Variants in HPCAL1 observed in about 807,000 individuals in gnomAD.
HPCAL1 encodes hippocalcin-like protein 1.
Under a neutral mutation model 17.1 loss-of-function variants are expected in HPCAL1, and 8 were observed. That is an observed-to-expected ratio of 0.47 (90% confidence interval 0.27 to 0.84). The LOEUF (loss-of-function observed/expected upper bound fraction) is 0.84, where lower values mean the gene tolerates loss of function less well. HPCAL1 is among the 40% of genes least tolerant of loss of function. HPCAL1 has a pLI of 0.13. For synonymous variants in HPCAL1, 112 were observed against 111.4 expected (o/e 1.01, Z -0.03); for missense variants, 165 against 271.1 (o/e 0.61, Z 2.75).
chr2:10,378,931 G>C (rs975529846), intron 1 of HPCAL1, among the ~76,000 whole-genome samples: 1 of 152,188 alleles, frequency 6.6e-6, no homozygotes, highest in Admixed American at 6.5e-5. Context: ...CATTTACAGC[G>C]AGGCGGACAG....
intron 1 of HPCAL1, among the ~76,000 whole-genome samples, chr2:10,355,450 CAAAAAAAAAAA>C (rs34600690): frequency 4.3e-4 from 14 of 32,202 alleles, no homozygotes; most frequent in South Asian, 1.8e-3. Context: ...GACTCCGTCT[CAAAAAAAAAAA>C]AAAAAAAAAA....
intron 2 of HPCAL1, among the ~76,000 whole-genome samples, chr2:10,410,330 C>T (rs1341166091): frequency 6.6e-6 from 1 of 152,118 alleles, no homozygotes; most frequent in South Asian, 2.1e-4. Flanking sequence ...TGCCACTAAA[C>T]AGGCTTTAAT....
intron 1 of HPCAL1, among the ~76,000 whole-genome samples, chr2:10,361,266 G>C (rs1034433014): frequency 4.0e-5 from 6 of 151,080 alleles, no homozygotes; most frequent in Admixed American, 1.3e-4. Flanking sequence ...ATCCCAGAGA[G>C]AGAGAGAGAG....
rs1225662535 is a variant in HPCAL1 at position 10,304,681 on chromosome 2, C to T, written c.-111+1504C>T. Among the ~76,000 whole-genome samples the T allele has an allele frequency of 2.0e-5, 3 of 152,230 alleles. No homozygotes were observed. The highest frequency in any genetic ancestry group is 2.9e-5 in the Non-Finnish European group (2 of 68,036). ...CACTCTCTGGAGAGTTCTGGCGCCT[C>T]GGCGCTGGCTCGGACGCAGCAAGGC... On this transcript the variant is annotated intron_variant, in intron 1 of 4. Transcript: ENST00000307845. The surrounding 1 kb of genome is among the most constrained non-coding windows in gnomAD (Gnocchi z 4.1).
rs1668192621 is a variant in HPCAL1, at chr2:10,384,635, G to A, written c.-110-12200G>A. Among the ~76,000 whole-genome samples the A allele has an allele frequency of 6.6e-6, 1 of 152,084 alleles. No homozygotes were observed. The highest frequency in any genetic ancestry group is 2.4e-5 in the African/African-American group (1 of 41,402). ...GAAAGCCAGCAGCTGGGAGTTTCAG[G>A]GGCTTCCCTAGGGAGGGACCCTGAG... is the stretch of plus-strand genomic sequence containing the variant. On this transcript the variant is annotated intron_variant, in intron 1 of 4. Coordinates refer to ENST00000307845, the MANE Select transcript of HPCAL1 (RefSeq NM_002149.4). This position sits in a 1 kb window ranked among gnomAD's most constrained non-coding sequence, Gnocchi z 4.4.
At chr2:10,423,196 AC>A in intron 4 of HPCAL1, 108 bp downstream of exon 4, 2 of 802,602 alleles carry the variant, frequency 2.5e-6, no homozygotes, top group Non-Finnish European at 4.2e-6. Context: ...CCTGAGGGCC[AC>A]CCCCGCCCGC....
Position 10,310,299 on chromosome 2 carries a change from C to G in HPCAL1, c.-111+7122C>G, listed in dbSNP as rs1302730419. On this transcript the variant is annotated intron_variant, in intron 1 of 4. Transcript: ENST00000307845. The surrounding 1 kb of genome is among the most constrained non-coding windows in gnomAD (Gnocchi z 4.5). ...CGCAGATGTGAGTACCTAGGTGAGT[C>G]TGGCTGGTCACGTGTGGAATAAGTG... Among the ~76,000 whole-genome samples the G allele has an allele frequency of 1.3e-5, 2 of 152,062 alleles. No homozygotes were observed. Among genetic ancestry groups the G allele is most frequent in the African/African-American group, 4.8e-5 (2 of 41,400 alleles).
At position 10,304,722 on chromosome 2, in the gene HPCAL1, G is replaced by T. The variant is rs1173948699; in HGVS notation, c.-111+1545G>T. Among the ~76,000 whole-genome samples the T allele has an allele frequency of 6.6e-6, 1 of 152,228 alleles. No homozygotes were observed. The highest frequency in any genetic ancestry group is 1.5e-5 in the Non-Finnish European group (1 of 68,040). On this transcript the variant is annotated intron_variant, in intron 1 of 4. Coordinates refer to ENST00000307845, the MANE Select transcript of HPCAL1 (RefSeq NM_002149.4). The surrounding 1 kb of genome is among the most constrained non-coding windows in gnomAD (Gnocchi z 4.1). The stretch of plus-strand genomic sequence containing the variant: ...GCAGCAAGGCCAGCTCTAGGGGTCG[G>T]GTGGCTCTCGGCCAGAGCGAAGGAT...
intron 2 of HPCAL1, among the ~76,000 whole-genome samples, chr2:10,399,562 C>CCACCGCCACCACCACCACCAT (rs1669448877): frequency 2.6e-5 from 1 of 39,114 alleles, no homozygotes; most frequent in South Asian, 1.2e-3. Flanking sequence ...ACCACTACCG[C>CCACCGCCACCACCACCACCAT]CACCGCCACC....
rs1304872924 is a variant in HPCAL1 at position 10,331,065 on chromosome 2, G to T, written c.-111+27888G>T. ...CTCATCCCGCCTCTCGCTCCATCTC[G>T]TGGCCTCCCATCTGCTCTCCCGGCT... On this transcript the variant is annotated intron_variant, in intron 1 of 4. Transcript: ENST00000307845. The surrounding 1 kb of genome is among the most constrained non-coding windows in gnomAD (Gnocchi z 5.0). Among the ~76,000 whole-genome samples the T allele has an allele frequency of 6.6e-6, 1 of 152,092 alleles. No individual in the cohort carries two copies. Among genetic ancestry groups the T allele is most frequent in the Non-Finnish European group, 1.5e-5 (1 of 68,012 alleles).
At chr2:10,303,232 T>G (rs1473561720) in intron 1 of HPCAL1, 55 bp downstream of exon 1, 1 of 152,162 alleles carries the variant, frequency 6.6e-6, no homozygotes, top group African/African-American at 2.4e-5. Flanking sequence ...CCCGGGCGTG[T>G]GCACCCGGCG....
intron 1 of HPCAL1, among the ~76,000 whole-genome samples, chr2:10,346,686 C>T (rs1334196478): frequency 6.6e-6 from 1 of 152,182 alleles, no homozygotes; most frequent in African/African-American, 2.4e-5. Context: ...TTTCCAGTAG[C>T]AGGCGTTGGC....
chr2:10,404,411 G>A (rs185742957), intron 2 of HPCAL1, among the ~76,000 whole-genome samples: 45 of 152,302 alleles, frequency 3.0e-4, no homozygotes, highest in African/African-American at 1.0e-3. Flanking sequence ...CAGCCCCAGC[G>A]CTCTGGGTAA....
At chr2:10,364,120 A>G (rs751491400) in intron 1 of HPCAL1, among the ~76,000 whole-genome samples, 4 of 152,170 alleles carry the variant, frequency 2.6e-5, no homozygotes, top group Non-Finnish European at 5.9e-5. Context: ...TGGAGATGGT[A>G]GTGACCTTGT....
At chr2:10,351,911 CTTT>C (rs532441714) in intron 1 of HPCAL1, among the ~76,000 whole-genome samples, 1 of 139,408 alleles carries the variant, frequency 7.2e-6, no homozygotes, top group Admixed American at 7.2e-5. Flanking sequence ...TTCTTTCTTT[CTTT>C]TTTTTTTTTT....
chr2:10,395,142 A>G lies in HPCAL1; in HGVS notation c.-110-1693A>G, dbSNP rs1051857904. ...CACACACACACACACACACACACAC[A>G]CACACACACACACACACTGCTATCT... On this transcript the variant is annotated intron_variant, in intron 1 of 4. Transcript: ENST00000307845. The surrounding 1 kb of genome is among the most constrained non-coding windows in gnomAD (Gnocchi z 4.4). Among the ~76,000 whole-genome samples the G allele has an allele frequency of 8.5e-4, 115 of 135,158 alleles. No homozygotes were observed. The highest frequency in any genetic ancestry group is 2.6e-3 in the African/African-American group (105 of 39,704). The allele number at this position is 135,158 out of a possible 152,430, so 88.7% of individuals were successfully genotyped here.
At chr2:10,322,172 C>T (rs534843340) in intron 1 of HPCAL1, among the ~76,000 whole-genome samples, 1 of 151,946 alleles carries the variant, frequency 6.6e-6, no homozygotes, top group Non-Finnish European at 1.5e-5. Flanking sequence ...ACAGGCATAC[C>T]CCATCATTCC....
Position 10,341,237 on chromosome 2 carries a change from A to T in HPCAL1, c.-111+38060A>T, listed in dbSNP as rs1665057777. On this transcript the variant is annotated intron_variant, in intron 1 of 4. Transcript: ENST00000307845. ...CACTTTGGGAGGCTGAGGTGGGCGG[A>T]TCATTTGAGCCCAGGAGTACAAAAC... Among the ~76,000 whole-genome samples, 6 of 152,056 alleles carry T rather than the reference A, an allele frequency of 3.9e-5. No individual in the cohort carries two copies. The South Asian group carries it at 1.2e-3, about 32-fold the overall frequency.
In HPCAL1 at chr2:10,400,587, C is replaced by T. The variant is rs1037212437; in HGVS notation, c.-25+3667C>T. On this transcript the variant is annotated intron_variant, in intron 2 of 4. Coordinates refer to ENST00000307845, the MANE Select transcript of HPCAL1 (RefSeq NM_002149.4). ...AGACGCTGGTCATGAGGCAGGGCAG[C>T]GGGGAAGGGACAATCCTCCTGTGTT... Among the ~76,000 whole-genome samples the T allele has an allele frequency of 3.3e-5, 5 of 152,070 alleles. No homozygotes were observed. In the East Asian group the frequency reaches 5.8e-4, roughly 18 times the overall value.
Sources: gnomAD v4.1 joint callset for allele counts (sites outside exome capture counted in the v4.1 genomes callset) on GRCh38, gnomAD v4.1.1 for gene constraint, Gnocchi (gnomAD v3.1) non-coding constraint, MANE v1.5 for transcripts, NCBI Gene and HGNC (gene_info 2026-07-23, HGNC 2026-07-21) for gene names.